Variants in RORB observed in about 807,000 individuals in gnomAD.
RORB encodes nuclear receptor ROR-beta.
RORB carries 6 observed loss-of-function variants against 59.1 expected under a neutral mutation model. That is an observed-to-expected ratio of 0.10 (90% CI 0.06 to 0.20). RORB has a LOEUF of 0.20. Among genes scored for constraint, RORB ranks in the 10% least tolerant of loss-of-function variants. The pLI is 1.00. For missense variants in RORB, 320 were observed against 560.5 expected (o/e 0.57, Z 4.33); for synonymous variants, 215 against 204.5 (o/e 1.05, Z -0.44).
intron 1 of RORB, among the ~76,000 whole-genome samples, chr9:74,512,021 A>T (rs1250965534): frequency 6.6e-6 from 1 of 152,116 alleles, no homozygotes; most frequent in African/African-American, 2.4e-5. Flanking sequence ...AATTTAAAAA[A>T]ACTTTTTCCA....
At chr9:74,596,797 T>A (rs1036445638) in intron 1 of RORB, among the ~76,000 whole-genome samples, 25 of 152,228 alleles carry the variant, frequency 1.6e-4, no homozygotes, top group African/African-American at 6.0e-4. Flanking sequence ...AATTTATATT[T>A]AAGCTAATTA....
At chr9:74,617,093 C>G (rs942236106) in intron 1 of RORB, among the ~76,000 whole-genome samples, 1 of 151,648 alleles carries the variant, frequency 6.6e-6, no homozygotes, top group Admixed American at 6.6e-5. Flanking sequence ...ACCCGCTCCC[C>G]CCGCAAAAAA....
chr9:74,512,811 A>G (rs1234827304), intron 1 of RORB, among the ~76,000 whole-genome samples: 2 of 152,074 alleles, frequency 1.3e-5, no homozygotes, highest in Non-Finnish European at 2.9e-5. Context: ...CCCCCTTTAC[A>G]ATAATCTCAT....
chr9:74,578,148 C>T (rs954850646), intron 1 of RORB, among the ~76,000 whole-genome samples: 7 of 151,940 alleles, frequency 4.6e-5, no homozygotes, highest in Admixed American at 1.3e-4. Flanking sequence ...GCATTTTTCA[C>T]TATGCTTGCT....
At chr9:74,571,120 C>T (rs1822544083) in intron 1 of RORB, among the ~76,000 whole-genome samples, 1 of 151,910 alleles carries the variant, frequency 6.6e-6, no homozygotes. Flanking sequence ...TTGGTGACAT[C>T]GTGTGGTTGA....
At chr9:74,580,176 G>A (rs1464800357) in intron 1 of RORB, among the ~76,000 whole-genome samples, 1 of 152,140 alleles carries the variant, frequency 6.6e-6, no homozygotes, top group South Asian at 2.1e-4. Flanking sequence ...AAGTGGTGAC[G>A]ACCGTATTTA....
intron 1 of RORB, among the ~76,000 whole-genome samples, chr9:74,520,443 C>G (rs982622669): frequency 1.5e-4 from 23 of 151,844 alleles, no homozygotes; most frequent in African/African-American, 1.9e-4. Context: ...CGGCTAGGAT[C>G]GTTTACCTAC....
chr9:74,505,135 A>G (rs1825853318), intron 1 of RORB, among the ~76,000 whole-genome samples: 1 of 152,168 alleles, frequency 6.6e-6, no homozygotes, highest in African/African-American at 2.4e-5. Flanking sequence ...ATAAATGAGT[A>G]TTATTAGCTG....
At chr9:74,572,168 T>C (rs1822563378) in intron 1 of RORB, among the ~76,000 whole-genome samples, 1 of 152,182 alleles carries the variant, frequency 6.6e-6, no homozygotes, top group Non-Finnish European at 1.5e-5. Context: ...GTTCTGTCTC[T>C]TTTTAAAATT....
intron 1 of RORB, among the ~76,000 whole-genome samples, chr9:74,602,329 T>C (rs996922438): frequency 6.6e-6 from 1 of 152,176 alleles, no homozygotes; most frequent in African/African-American, 2.4e-5. Context: ...TTCCAAGCAA[T>C]GACTAAATGA....
At chr9:74,651,701 C>T (rs1823996405) in intron 4 of RORB, among the ~76,000 whole-genome samples, 1 of 152,158 alleles carries the variant, frequency 6.6e-6, no homozygotes, top group Non-Finnish European at 1.5e-5. Context: ...CCCAAAAGCA[C>T]AAACTAAAAG....
chr9:74,629,658 T>G (rs1050759855), intron 1 of RORB, among the ~76,000 whole-genome samples: 7 of 152,176 alleles, frequency 4.6e-5, no homozygotes, highest in Admixed American at 4.6e-4. Flanking sequence ...GATTTCTCCA[T>G]GTATTAATTT....
intron 1 of RORB, among the ~76,000 whole-genome samples, chr9:74,623,185 GA>G: frequency 6.6e-6 from 1 of 152,234 alleles, no homozygotes; most frequent in Non-Finnish European, 1.5e-5. Flanking sequence ...ACTGTTTCAA[GA>G]AAGCCTTTGT....
chr9:74,685,280 G>T (rs1824621548), intron 9 of RORB, among the ~76,000 whole-genome samples, 183 bp from the exon 10 acceptor site: 1 of 149,746 alleles, frequency 6.7e-6, no homozygotes, highest in South Asian at 2.1e-4. Context: ...GGGGGGGCGG[G>T]GGTGGGTACG....
At chr9:74,574,895 A>G (rs1266493860) in intron 1 of RORB, among the ~76,000 whole-genome samples, 2 of 152,170 alleles carry the variant, frequency 1.3e-5, no homozygotes, top group Non-Finnish European at 2.9e-5. Flanking sequence ...GCCTCTTCCT[A>G]TCGTCAGTCC....
In RORB at chr9:74,539,289, G is replaced by A. The variant is rs138198463; in HGVS notation, c.7+41306G>A. Among the ~76,000 whole-genome samples, 1,335 of 152,174 alleles carry A rather than the reference G, an allele frequency of 8.8e-3. 10 individuals carry two copies. Among genetic ancestry groups the A allele is most frequent in the Non-Finnish European group, 0.014 (926 of 67,994 alleles). ...AGTTTTAAATTTATAGGCATGTTTT[G>A]CATTAAGATTTCATTTAGATGTTGC... is the stretch of plus-strand genomic sequence containing the variant. On this transcript the variant is annotated intron_variant, in intron 1 of 9. Coordinates refer to ENST00000376896, the MANE Select transcript of RORB (RefSeq NM_006914.4).
intron 1 of RORB, among the ~76,000 whole-genome samples, chr9:74,613,431 A>G (rs1823263586): frequency 6.6e-6 from 1 of 152,028 alleles, no homozygotes; most frequent in African/African-American, 2.4e-5. Context: ...TCAGATTCTG[A>G]CTCAGTAGTT....
intron 1 of RORB, among the ~76,000 whole-genome samples, chr9:74,558,984 A>T (rs1334633332): frequency 6.6e-6 from 1 of 152,184 alleles, no homozygotes; most frequent in Admixed American, 6.5e-5. Context: ...AACAATTATG[A>T]AAAGAAAATT....
At chr9:74,661,636 C>CTTTTTTTTTTT (rs779927558) in intron 5 of RORB, among the ~76,000 whole-genome samples, 3 of 79,590 alleles carry the variant, frequency 3.8e-5, no homozygotes, top group African/African-American at 4.8e-5. Context: ...TTCTTTTTTC[C>CTTTTTTTTTTT]TTTTTTTTTT....
Sources: allele counts gnomAD v4.1 joint callset (sites outside exome capture counted in the v4.1 genomes callset), GRCh38; gene constraint gnomAD v4.1.1; transcripts MANE v1.5; gene names NCBI Gene and HGNC (gene_info 2026-07-23, HGNC 2026-07-21).